The following SH2B3 variants were observed in gnomAD, a reference collection of about 807,000 sequenced individuals.
The protein encoded by SH2B3 is SH2B adapter protein 3.
SH2B3 carries 43 observed loss-of-function variants against 51.9 expected under a neutral mutation model. The observed-to-expected ratio is 0.83, with a 90% CI of 0.65 to 1.07. The LOEUF (loss-of-function observed/expected upper bound fraction) is 1.07, where lower values mean the gene tolerates loss of function less well. Among genes scored for constraint, SH2B3 ranks in the 50% least tolerant of loss-of-function variants. SH2B3 has a pLI of 0.00. For missense variants in SH2B3, 952 were observed against 834.3 expected (o/e 1.14, Z -1.74); for synonymous variants, 396 against 376.0 (o/e 1.05, Z -0.62).
intron 2 of SH2B3, among the ~76,000 whole-genome samples, chr12:111,433,211 C>T (rs948576328): frequency 3.3e-5 from 5 of 152,068 alleles, no homozygotes; most frequent in Admixed American, 2.0e-4. Context: ...ATTAGCTGGG[C>T]GTGGTGGTGG....
rs1483734607 is a variant in SH2B3, at chr12:111,435,485, T to C, written c.733-11268T>C. On this transcript the variant is annotated intron_variant, in intron 2 of 7. Coordinates refer to ENST00000341259, the MANE Select transcript of SH2B3 (RefSeq NM_005475.3). The surrounding 1 kb of genome is among the most constrained non-coding windows in gnomAD (Gnocchi z 4.8). The stretch of plus-strand genomic sequence containing the variant: ...AGGTGATTCTCGTGCCTCAGCCTCC[T>C]GAGTAGCTGGGACTACACATGCACC... 6.6e-6 allele frequency among the ~76,000 whole-genome samples: 1 copy of C among 152,236 alleles called. No individual in the cohort carries two copies. The highest frequency in any genetic ancestry group is 1.5e-5 in the Non-Finnish European group (1 of 68,040).
In SH2B3 at chr12:111,418,386, G is replaced by T. The variant is rs1261528630; in HGVS notation, c.241G>T (p.Asp81Tyr). ...FQRYFCREVR[D>Y]GRAPGRDYRD... ...GCGCTACTTCTGCCGCGAGGTGCGC[G>T]ACGGACGGGCGCCGGGCCGCGACTA... The change falls in exon 2 of 8, where the codon GAC (aspartate) becomes TAC (tyrosine). Residue 81 changes from aspartate (D) to tyrosine (Y), a missense_variant. By Grantham distance (160) the Asp-to-Tyr change is radical. Transcript: ENST00000341259. The surrounding 1 kb of genome is among the most constrained non-coding windows in gnomAD (Gnocchi z 6.7). 11 of 1,505,828 alleles carry T rather than the reference G, an allele frequency of 7.3e-6. No individual in the cohort carries two copies. The Admixed American group carries it at 1.7e-4, about 23-fold the overall frequency. The allele number at this position is 1,505,828 out of a possible 1,614,324, so 93.3% of individuals were successfully genotyped here.
chr12:111,416,745 C>T lies in SH2B3; in HGVS notation c.-27-1374C>T, dbSNP rs553059335. ...CTGACCTCAAGTAATCCACCTGCCT[C>T]GGCCTCCCAGAGTGCTGGGATTACA... On this transcript the variant is annotated intron_variant, in intron 1 of 7. Transcript: ENST00000341259. Among the ~76,000 whole-genome samples the T allele has an allele frequency of 1.5e-3, 224 of 152,290 alleles. 2 individuals carry two copies. Among genetic ancestry groups the T allele is most frequent in the African/African-American group, 5.3e-3 (220 of 41,552 alleles).
At position 111,446,962 on chromosome 12, in the gene SH2B3, C is replaced by T. The variant is rs201114835; in HGVS notation, c.855C>T (p.Ile285=). The T allele has an allele frequency of 7.7e-5, 125 of 1,614,076 alleles. No individual in the cohort carries two copies. Among genetic ancestry groups the T allele is most frequent in the Non-Finnish European group, 9.6e-5 (113 of 1,179,940 alleles). Residue 285 remains isoleucine, a synonymous_variant, in exon 4 of 8, where the codon ATC becomes ATT. Transcript: ENST00000341259. ...FVLKVKDRTD[I]IFEVGDEQQL... ...GCCAGGTGAAGGACCGGACAGACAT[C>T]ATCTTTGAGGTGGGAGACGAGCAGC...
chr12:111,443,112 G>A (rs1241551691), intron 2 of SH2B3, among the ~76,000 whole-genome samples: 1 of 152,256 alleles, frequency 6.6e-6, no homozygotes, highest in African/African-American at 2.4e-5. Flanking sequence ...CAGCATGAGG[G>A]CAAGTGAGGC....
chr12:111,416,958 A>G (rs1169328008), intron 1 of SH2B3, among the ~76,000 whole-genome samples: 1 of 152,148 alleles, frequency 6.6e-6, no homozygotes, highest in Non-Finnish European at 1.5e-5. Context: ...CTTCTGCCAG[A>G]CCTTTCTTGC....
intron 2 of SH2B3, among the ~76,000 whole-genome samples, chr12:111,443,156 C>A (rs1222541192): frequency 1.3e-5 from 2 of 152,232 alleles, no homozygotes; most frequent in Non-Finnish European, 2.9e-5. Flanking sequence ...TCCAGCCCGT[C>A]ACATTCCCTC....
chr12:111,426,825 A>G (rs1470325887), intron 2 of SH2B3, among the ~76,000 whole-genome samples: 1 of 152,048 alleles, frequency 6.6e-6, no homozygotes, highest in Non-Finnish European at 1.5e-5. Flanking sequence ...GGGAGAAGCA[A>G]AGAGACTTGC....
At chr12:111,432,819 G>C (rs150812239) in intron 2 of SH2B3, among the ~76,000 whole-genome samples, 4 of 152,178 alleles carry the variant, frequency 2.6e-5, no homozygotes, top group African/African-American at 9.7e-5. Flanking sequence ...CAGGTTCACC[G>C]AAGTTACAGC....
chr12:111,440,274 C>A (rs1450028123), intron 2 of SH2B3, among the ~76,000 whole-genome samples: 1 of 152,250 alleles, frequency 6.6e-6, no homozygotes, highest in Non-Finnish European at 1.5e-5. Context: ...GAGGCTCACA[C>A]ACACTGCTCC....
intron 1 of SH2B3, among the ~76,000 whole-genome samples, chr12:111,414,266 G>A (rs1467555313): frequency 6.6e-6 from 1 of 152,192 alleles, no homozygotes; most frequent in Non-Finnish European, 1.5e-5. Flanking sequence ...TACCTACTGT[G>A]TGCGGGTCCC....
chr12:111,418,785 G>A lies in SH2B3; in HGVS notation c.640G>A (p.Gly214Arg). The A allele has an allele frequency of 6.8e-7, 1 of 1,462,194 alleles. No individual in the cohort carries two copies. The highest frequency in any genetic ancestry group is 2.6e-5 in the Admixed American group (1 of 37,978). The allele number at this position is 1,462,194 out of a possible 1,614,324, so 90.6% of individuals were successfully genotyped here. A position where few individuals can be genotyped will look rare whatever the true frequency, so the allele number is the denominator to read the frequency against. Residue 214 changes from glycine to arginine, a missense_variant, in exon 2 of 8, where the codon GGG becomes AGG. Coordinates refer to ENST00000341259, the MANE Select transcript of SH2B3 (RefSeq NM_005475.3). The surrounding 1 kb of genome is among the most constrained non-coding windows in gnomAD (Gnocchi z 6.7). ...GGCCGACGAGGCCTCCATGGACAGCGGGGCACGCTGGCAGCGCGGGAGGCT... is the reference window on the plus strand; with the variant it reads ...GGCCGACGAGGCCTCCATGGACAGCAGGGCACGCTGGCAGCGCGGGAGGCT... ...SLADEASMDS[G>R]ARWQRGRLAL...
chr12:111,418,416 G>T lies in SH2B3; in HGVS notation c.271G>T (p.Asp91Tyr). ...ACGGGCGCCGGGCCGCGACTACCGG[G>T]ACACAGGCCGTGGGCCCCCAGCCAA... ...DGRAPGRDYR[D>Y]TGRGPPAKAE... The change falls in exon 2 of 8, where the codon GAC becomes TAC. Residue 91 changes from aspartate (D) to tyrosine (Y), a missense_variant. Transcript: ENST00000341259. The surrounding 1 kb of genome is among the most constrained non-coding windows in gnomAD (Gnocchi z 6.7). 6.8e-7 allele frequency: 1 copy of T among 1,479,700 alleles called. No individual in the cohort carries two copies. Among genetic ancestry groups the T allele is most frequent in the Non-Finnish European group, 8.9e-7 (1 of 1,120,716 alleles). The allele number at this position is 1,479,700 out of a possible 1,614,324, so 91.7% of individuals were successfully genotyped here.
rs1870218891 is a variant in SH2B3, at chr12:111,406,071, G to T, written c.-234G>T. ...GGGCGCATCCTCCCGCAACTGTCAA[G>T]CGCTGGCGGCGGAAATGATGAGGCG... is the stretch of plus-strand genomic sequence containing the variant. On this transcript the variant is annotated 5_prime_UTR_variant, in exon 1 of 8. Transcript: ENST00000341259. The surrounding 1 kb of genome is among the most constrained non-coding windows in gnomAD (Gnocchi z 5.7). 1 of 151,912 alleles carries T rather than the reference G, an allele frequency of 6.6e-6. No homozygotes were observed. Among genetic ancestry groups the T allele is most frequent in the Admixed American group, 6.6e-5 (1 of 15,252 alleles). 9.4% of individuals were successfully genotyped at this position (151,912 alleles called of 1,614,324 possible).
chr12:111,409,361 G>T lies in SH2B3; in HGVS notation c.-28+3084G>T, dbSNP rs1870500271. On this transcript the variant is annotated intron_variant, in intron 1 of 7. Transcript: ENST00000341259. The surrounding 1 kb of genome is among the most constrained non-coding windows in gnomAD (Gnocchi z 4.0). ...CACTCAATAAGTGCAAGCCATTGCT[G>T]TTCATGCCCAATAGGGGCTGGCACT... is the stretch of plus-strand genomic sequence containing the variant. 6.6e-6 allele frequency among the ~76,000 whole-genome samples: 1 copy of T among 152,252 alleles called. No homozygotes were observed. Among genetic ancestry groups the T allele is most frequent in the Non-Finnish European group, 1.5e-5 (1 of 68,040 alleles).
In SH2B3 at chr12:111,447,699, A is replaced by G. The variant is rs750278361; in HGVS notation, c.1280A>G (p.Gln427Arg). The G allele has an allele frequency of 1.2e-6, 2 of 1,613,846 alleles. No individual in the cohort carries two copies. The highest frequency in any genetic ancestry group is 3.3e-5 in the Admixed American group (2 of 60,030). Residue 427 changes from glutamine to arginine, a missense_variant, in exon 7 of 8, where the codon CAG (glutamine) becomes CGG (arginine). Physicochemically the swap from Gln to Arg is conservative, Grantham distance 43. Transcript: ENST00000341259. ...ACAGAGCGGGGCCAGTGCCGTGTGCAGCACCTCCACTTTCCCTCGGTCGTG... is the reference window on the plus strand; with the variant it reads ...ACAGAGCGGGGCCAGTGCCGTGTGCGGCACCTCCACTTTCCCTCGGTCGTG... The part of the protein sequence containing the change: ...SLTERGQCRV[Q>R]HLHFPSVVDM...
intron 2 of SH2B3, among the ~76,000 whole-genome samples, chr12:111,419,714 A>T (rs1871383086): frequency 6.6e-6 from 1 of 152,102 alleles, no homozygotes; most frequent in South Asian, 2.1e-4. Context: ...ACCCAGCTTC[A>T]CCGAAGGTTC....
chr12:111,438,422 T>C lies in SH2B3; in HGVS notation c.733-8331T>C, dbSNP rs1322784936. Among the ~76,000 whole-genome samples the C allele has an allele frequency of 6.6e-6, 1 of 152,048 alleles. No homozygotes were observed. Among genetic ancestry groups the C allele is most frequent in the Admixed American group, 6.5e-5 (1 of 15,274 alleles). On this transcript the variant is annotated intron_variant, in intron 2 of 7. Coordinates refer to ENST00000341259, the MANE Select transcript of SH2B3 (RefSeq NM_005475.3). The surrounding 1 kb of genome is among the most constrained non-coding windows in gnomAD (Gnocchi z 4.2). ...TCTTCCCTGGCCAGCTGGAGGGGCC[T>C]TGGGAGGCCCACCCCAGCCCTGAGA...
At chr12:111,424,336 G>A (rs978906625) in intron 2 of SH2B3, among the ~76,000 whole-genome samples, 1 of 152,126 alleles carries the variant, frequency 6.6e-6, no homozygotes, top group South Asian at 2.1e-4. Flanking sequence ...CATGTGCCAC[G>A]TGCCTGGCGC....
Sources: allele counts gnomAD v4.1 joint callset (sites outside exome capture counted in the v4.1 genomes callset), GRCh38; gene constraint gnomAD v4.1.1; non-coding constraint Gnocchi (gnomAD v3.1); transcripts MANE v1.5; gene names NCBI Gene and HGNC (gene_info 2026-07-23, HGNC 2026-07-21).